Variants in KLF12 observed in about 807,000 individuals in gnomAD.
KLF12 encodes Krueppel-like factor 12.
KLF12 carries 9 observed loss-of-function variants against 37.8 expected under a neutral mutation model. The ratio of observed to expected loss-of-function variants is 0.24; its 90% confidence interval spans 0.14 to 0.42. KLF12 has a LOEUF of 0.42. KLF12 is among the 10% of genes least tolerant of loss of function. KLF12 has a pLI of 1.00. For synonymous variants in KLF12, 208 were observed against 202.1 expected (o/e 1.03, Z -0.25); for missense variants, 411 against 516.0 (o/e 0.80, Z 1.97).
At chr13:73,760,478 G>C (rs1249564882) in intron 6 of KLF12, among the ~76,000 whole-genome samples, 3 of 151,916 alleles carry the variant, frequency 2.0e-5, no homozygotes, top group African/African-American at 7.3e-5. Context: ...CATCACGCCT[G>C]GCTAATTTTA....
intron 7 of KLF12, among the ~76,000 whole-genome samples, chr13:73,702,973 T>A (rs1874669194): frequency 6.6e-6 from 1 of 152,078 alleles, no homozygotes; most frequent in African/African-American, 2.4e-5. Context: ...CGGCTATACC[T>A]CTTCATAGTT....
At chr13:74,201,563 C>A in the KLF12 span, among the ~76,000 whole-genome samples, 2 of 152,110 alleles carry the variant, frequency 1.3e-5, no homozygotes, top group South Asian at 2.1e-4. Flanking sequence ...TGATATAATC[C>A]TTCTTTCCCC....
intron 2 of KLF12, among the ~76,000 whole-genome samples, chr13:73,990,273 G>C (rs1891931925): frequency 6.6e-6 from 1 of 152,054 alleles, no homozygotes; most frequent in Non-Finnish European, 1.5e-5. Flanking sequence ...CTACTTCTCA[G>C]AGATTAAGAG....
At chr13:73,814,434 G>A (rs2138446155) in intron 4 of KLF12, among the ~76,000 whole-genome samples, 1 of 152,260 alleles carries the variant, frequency 6.6e-6, no homozygotes, top group East Asian at 1.9e-4. Flanking sequence ...AACTTCGGAT[G>A]ATTGTGTCTA....
At chr13:74,237,434 T>G in the KLF12 span, among the ~76,000 whole-genome samples, 3 of 136,812 alleles carry the variant, frequency 2.2e-5, 1 homozygote, top group African/African-American at 1.0e-4. Context: ...GGCTCTTTTT[T>G]GGTTCCATAT....
intron 1 of KLF12, among the ~76,000 whole-genome samples, chr13:74,095,680 T>C (rs1252003918): frequency 6.6e-6 from 1 of 152,260 alleles, no homozygotes; most frequent in East Asian, 1.9e-4. Flanking sequence ...TGAGCTACTG[T>C]GCTCCACCTT....
At chr13:73,997,259 C>T (rs994976519) in intron 1 of KLF12, among the ~76,000 whole-genome samples, 3 of 151,996 alleles carry the variant, frequency 2.0e-5, no homozygotes, top group Admixed American at 6.6e-5. Flanking sequence ...TATTATCTTC[C>T]GGCTGTGTGA....
chr13:73,986,211 T>C (rs17218053), intron 2 of KLF12, among the ~76,000 whole-genome samples: 2,330 of 152,342 alleles, frequency 0.015, 32 homozygotes, highest in Non-Finnish European at 0.025. Context: ...CATAAAACCA[T>C]AGTATCACCA....
At chr13:73,697,699 C>T (rs766755631) in intron 7 of KLF12, among the ~76,000 whole-genome samples, 5 of 152,046 alleles carry the variant, frequency 3.3e-5, no homozygotes, top group Non-Finnish European at 7.4e-5. Context: ...TGTTGGTCAC[C>T]GAGAGCCATT....
chr13:74,285,997 A>T, the KLF12 span, among the ~76,000 whole-genome samples: 1 of 152,152 alleles, frequency 6.6e-6, no homozygotes, highest in South Asian at 2.1e-4. Flanking sequence ...TTTAGGCACA[A>T]GAAATCCTCC....
chr13:73,755,169 A>G (rs1028330942), intron 6 of KLF12, among the ~76,000 whole-genome samples: 2 of 152,198 alleles, frequency 1.3e-5, no homozygotes, highest in Non-Finnish European at 2.9e-5. Context: ...TATAAACTGC[A>G]AACTCTCAGA....
At chr13:73,791,877 G>A (rs1881706525) in intron 5 of KLF12, among the ~76,000 whole-genome samples, 1 of 152,084 alleles carries the variant, frequency 6.6e-6, no homozygotes, top group Non-Finnish European at 1.5e-5. Context: ...CTAGTTCATC[G>A]GCATCATGCT....
At chr13:73,972,219 T>C (rs1228714948) in intron 2 of KLF12, among the ~76,000 whole-genome samples, 1 of 152,184 alleles carries the variant, frequency 6.6e-6, no homozygotes, top group Non-Finnish European at 1.5e-5. Flanking sequence ...GCTAACATTA[T>C]GAGTTTTGAT....
At chr13:74,187,359 G>T in the KLF12 span, among the ~76,000 whole-genome samples, 3 of 151,998 alleles carry the variant, frequency 2.0e-5, no homozygotes, top group East Asian at 5.8e-4. Flanking sequence ...ACAATCGCAG[G>T]CTCAGTGGTT....
At chr13:73,925,791 G>C (rs914750164) in intron 3 of KLF12, among the ~76,000 whole-genome samples, 1 of 152,148 alleles carries the variant, frequency 6.6e-6, no homozygotes, top group Non-Finnish European at 1.5e-5. Flanking sequence ...GGAGGTCAAA[G>C]TATCAACATT....
At chr13:74,158,834 A>C in the KLF12 span, among the ~76,000 whole-genome samples, 1 of 152,190 alleles carries the variant, frequency 6.6e-6, no homozygotes, top group Non-Finnish European at 1.5e-5. Flanking sequence ...GTGTTCACTG[A>C]ATGACTAAAT....
chr13:74,116,624 A>G (rs1877317045), intron 1 of KLF12, among the ~76,000 whole-genome samples: 1 of 152,232 alleles, frequency 6.6e-6, no homozygotes, highest in Non-Finnish European at 1.5e-5. Context: ...AGAACTTTTC[A>G]GAAAGTATTT....
chr13:73,699,690 T>A (rs1874406061), intron 7 of KLF12, among the ~76,000 whole-genome samples: 1 of 152,126 alleles, frequency 6.6e-6, no homozygotes, highest in Non-Finnish European at 1.5e-5. Flanking sequence ...TCCTATTGAG[T>A]CTGGGAAGTG....
At chr13:74,165,756 TAGCTACA>T in the KLF12 span, among the ~76,000 whole-genome samples, 1 of 152,214 alleles carries the variant, frequency 6.6e-6, no homozygotes, top group African/African-American at 2.4e-5. Context: ...GATGTCTCAT[TAGCTACA>T]ACTCCTTCAC....
Sources: gnomAD v4.1 joint callset for allele counts (sites outside exome capture counted in the v4.1 genomes callset) on GRCh38, gnomAD v4.1.1 for gene constraint, MANE v1.5 for transcripts, NCBI Gene and HGNC (gene_info 2026-07-23, HGNC 2026-07-21) for gene names.